The following RAB2A variants were observed in gnomAD, a reference collection of about 807,000 sequenced individuals.
The protein encoded by RAB2A is RAB2A, member RAS oncogene family.
In RAB2A, 7 loss-of-function variants were observed where a neutral mutation model predicts 32.5. That is an observed-to-expected ratio of 0.22 (90% confidence interval 0.12 to 0.40). The LOEUF (loss-of-function observed/expected upper bound fraction) is 0.40, where lower values mean the gene tolerates loss of function less well. Ranked by LOEUF, RAB2A falls within the 10% of genes least tolerant of loss-of-function variation. The pLI, the probability that RAB2A is intolerant of heterozygous loss-of-function variation, is 1.00. For synonymous variants in RAB2A, 79 were observed against 85.2 expected, an observed-to-expected ratio of 0.93 and a Z score of 0.40; for missense variants, 108 against 260.7, an observed-to-expected ratio of 0.41 and a Z score of 4.03.
At chr8:60,556,351 A>G (rs1179531506) in intron 1 of RAB2A, among the ~76,000 whole-genome samples, 1 of 152,224 alleles carries the variant, frequency 6.6e-6, no homozygotes, top group East Asian at 1.9e-4. Flanking sequence ...GCTACAAGAG[A>G]GGATTTTTGA....
chr8:60,583,817 A>G lies in RAB2A; in HGVS notation c.187-391A>G, dbSNP rs541842487. 2.6e-5 allele frequency among the ~76,000 whole-genome samples: 4 copies of G among 152,292 alleles called. No individual in the cohort carries two copies. The South Asian group carries it at 8.3e-4, about 32-fold the overall frequency. ...CCAGGGAGTGGGTTATTGAATTCAA[A>G]TGTGAGGCTCTGGGTTATTTGCTTC... On this transcript the variant is annotated intron_variant, in intron 3 of 7. Transcript: ENST00000262646.
intron 1 of RAB2A, among the ~76,000 whole-genome samples, chr8:60,553,396 C>A (rs1807886574): frequency 6.6e-6 from 1 of 152,130 alleles, no homozygotes. Flanking sequence ...CACAGCAACG[C>A]CTAGATTAGT....
intron 2 of RAB2A, among the ~76,000 whole-genome samples, chr8:60,561,538 C>T (rs1423319096): frequency 6.6e-6 from 1 of 152,140 alleles, no homozygotes; most frequent in African/African-American, 2.4e-5. Flanking sequence ...TCTTCTCATG[C>T]CTATTTCATT....
In RAB2A at chr8:60,579,443, G is replaced by A. The variant is rs185545177; in HGVS notation, c.187-4765G>A. On this transcript the variant is annotated intron_variant, in intron 3 of 7. Transcript: ENST00000262646. Reference sequence around the variant, plus strand: ...CACCCCAAGTTTGTTTTGTGGTGCTGTTCACTTAGGCAATCATTCCTGTTT... The same window carrying A: ...CACCCCAAGTTTGTTTTGTGGTGCTATTCACTTAGGCAATCATTCCTGTTT... 5.9e-3 allele frequency among the ~76,000 whole-genome samples: 899 copies of A among 152,282 alleles called. 6 individuals carry two copies. The highest frequency in any genetic ancestry group is 0.021 in the African/African-American group (863 of 41,554).
At chr8:60,552,630 G>A (rs1227286162) in intron 1 of RAB2A, 2 of 152,182 alleles carry the variant, frequency 1.3e-5, no homozygotes, top group Non-Finnish European at 2.9e-5. Flanking sequence ...AATTAGTAGA[G>A]TTAGAAAGAA....
intron 6 of RAB2A, among the ~76,000 whole-genome samples, chr8:60,595,923 C>T (rs930240533): frequency 5.3e-5 from 8 of 152,114 alleles, no homozygotes; most frequent in African/African-American, 1.9e-4. Context: ...ATCAGTTTAA[C>T]AGAAAATAGG....
intron 3 of RAB2A, among the ~76,000 whole-genome samples, chr8:60,576,480 T>A (rs937772697): frequency 2.0e-5 from 3 of 152,208 alleles, no homozygotes; most frequent in African/African-American, 4.8e-5. Flanking sequence ...TTAAGTTCAT[T>A]TATCCACTCA....
intron 1 of RAB2A, among the ~76,000 whole-genome samples, chr8:60,542,693 A>G (rs1015726644): frequency 2.0e-5 from 3 of 152,184 alleles, no homozygotes; most frequent in African/African-American, 7.2e-5. Context: ...AAAGAAAGAA[A>G]CAGAAATAGT....
intron 6 of RAB2A, among the ~76,000 whole-genome samples, chr8:60,610,904 G>A (rs895943025): frequency 1.1e-4 from 16 of 152,196 alleles, no homozygotes; most frequent in Admixed American, 9.2e-4. Flanking sequence ...CTTGTACGAT[G>A]TATTAGAATT....
At chr8:60,597,048 G>C (rs1346709996) in intron 6 of RAB2A, among the ~76,000 whole-genome samples, 1 of 152,158 alleles carries the variant, frequency 6.6e-6, no homozygotes, top group Non-Finnish European at 1.5e-5. Flanking sequence ...AATTCCTCAA[G>C]GATCTAGAAC....
chr8:60,562,749 T>C (rs1357610905), intron 2 of RAB2A, among the ~76,000 whole-genome samples: 1 of 152,170 alleles, frequency 6.6e-6, no homozygotes, highest in African/African-American at 2.4e-5. Context: ...AATTACATTG[T>C]TTTTACTGAA....
intron 3 of RAB2A, among the ~76,000 whole-genome samples, chr8:60,575,719 G>A (rs1046116188): frequency 7.2e-6 from 1 of 139,014 alleles, no homozygotes; most frequent in African/African-American, 2.7e-5. Context: ...GTGCAATGGT[G>A]CAATCTCAGC....
intron 1 of RAB2A, among the ~76,000 whole-genome samples, chr8:60,518,950 G>GT (rs1414115385): frequency 6.6e-6 from 1 of 152,138 alleles, no homozygotes. Flanking sequence ...CCTTTTTTCA[G>GT]TTTTTTATTT....
In RAB2A at chr8:60,584,666, G is replaced by A. The variant is rs538237216; in HGVS notation, c.270-57G>A. On this transcript the variant is annotated intron_variant, in intron 4 of 7. Transcript: ENST00000262646. Reference sequence around the variant, plus strand: ...CTCTTTAAAAATATGTATATTGTTCGTTGTATACTGAGGGAAATGCTTTGA... The same window carrying A: ...CTCTTTAAAAATATGTATATTGTTCATTGTATACTGAGGGAAATGCTTTGA... The A allele has an allele frequency of 1.3e-4, 174 of 1,391,948 alleles. 1 individual carries two copies. Among genetic ancestry groups the A allele is most frequent in the African/African-American group, 1.1e-4 (8 of 69,680 alleles). The allele number at this position is 1,391,948 out of a possible 1,614,324, so 86.2% of individuals were successfully genotyped here.
chr8:60,575,082 T>G (rs1808250845), intron 3 of RAB2A, among the ~76,000 whole-genome samples: 1 of 141,046 alleles, frequency 7.1e-6, no homozygotes, highest in African/African-American at 2.8e-5. Flanking sequence ...TTTGTTTTTG[T>G]TTTTTTGGGG....
At position 60,620,849 on chromosome 8, in the gene RAB2A, A is replaced by G; in HGVS notation, c.*80A>G. The G allele has an allele frequency of 1.7e-6, 2 of 1,204,474 alleles. No homozygotes were observed. The highest frequency in any genetic ancestry group is 2.5e-5 in the East Asian group (1 of 39,580). The allele number at this position is 1,204,474 out of a possible 1,614,324, so 74.6% of individuals were successfully genotyped here. ...CCCTCTCCTCCTGCTCAGCTGAGAC[A>G]TGAAACTATTTGAAATGGCTTTATG... On this transcript the variant is annotated 3_prime_UTR_variant, in exon 8 of 8. Transcript: ENST00000262646.
chr8:60,584,100 C>T (rs1803809717), intron 3 of RAB2A, 108 bp from the exon 4 acceptor site: 2 of 880,900 alleles, frequency 2.3e-6, no homozygotes, highest in South Asian at 1.5e-5. Context: ...TTTCTTGTCT[C>T]TCTTTATGCA....
At chr8:60,528,898 C>T (rs928392403) in intron 1 of RAB2A, among the ~76,000 whole-genome samples, 3 of 152,012 alleles carry the variant, frequency 2.0e-5, no homozygotes, top group South Asian at 2.1e-4. Context: ...TTAAAAGACT[C>T]GGTAGGATTT....
intron 1 of RAB2A, among the ~76,000 whole-genome samples, chr8:60,521,912 G>T (rs1290796378): frequency 6.6e-6 from 1 of 152,166 alleles, no homozygotes; most frequent in Non-Finnish European, 1.5e-5. Context: ...GTGAGCCACC[G>T]CGGCAAGGCA....
Sources: gnomAD v4.1 joint callset for allele counts (sites outside exome capture counted in the v4.1 genomes callset) on GRCh38, gnomAD v4.1.1 for gene constraint, MANE v1.5 for transcripts, NCBI Gene and HGNC (gene_info 2026-07-23, HGNC 2026-07-21) for gene names.